The following CNTNAP2 variants were observed in gnomAD, a reference collection of about 807,000 sequenced individuals.
The protein encoded by CNTNAP2 is contactin associated protein 2.
A neutral mutation model predicts 155.2 loss-of-function variants in CNTNAP2; 98 were observed. The observed-to-expected ratio is 0.63, with a 90% CI of 0.54 to 0.75. CNTNAP2 has a LOEUF of 0.75. Among genes scored for constraint, CNTNAP2 ranks in the 30% least tolerant of loss-of-function variants. CNTNAP2 has a pLI of 0.00. For synonymous variants in CNTNAP2, 651 were observed against 631.2 expected (o/e 1.03, Z -0.47); for missense variants, 1,727 against 1,688.1 (o/e 1.02, Z -0.40).
chr7:147,133,507 C>T (rs561051759), intron 8 of CNTNAP2, among the ~76,000 whole-genome samples: 1 of 152,064 alleles, frequency 6.6e-6, no homozygotes, highest in Admixed American at 6.6e-5. Context: ...TTCTAACACA[C>T]TATGATTTTT....
intron 13 of CNTNAP2, among the ~76,000 whole-genome samples, chr7:147,802,312 G>T (rs1444000735): frequency 2.0e-5 from 3 of 148,374 alleles, no homozygotes; most frequent in South Asian, 2.1e-4. Flanking sequence ...AGGCAGAGGG[G>T]CTCCTCACAT....
chr7:148,241,220 C>CA (rs560567814), intron 20 of CNTNAP2, among the ~76,000 whole-genome samples: 24 of 151,298 alleles, frequency 1.6e-4, no homozygotes, highest in African/African-American at 4.4e-4. Flanking sequence ...AATGGAAATA[C>CA]AAAAAAAAAT....
chr7:147,906,751 C>T (rs537625469), intron 14 of CNTNAP2, among the ~76,000 whole-genome samples: 2 of 152,256 alleles, frequency 1.3e-5, no homozygotes, highest in African/African-American at 2.4e-5. Context: ...TGAGCCACGG[C>T]GCCCAGTCAC....
chr7:147,414,941 CAAAAAAAAAAAA>C (rs67048724), intron 10 of CNTNAP2, among the ~76,000 whole-genome samples: 5 of 50,980 alleles, frequency 9.8e-5, no homozygotes, highest in Admixed American at 5.6e-4. Flanking sequence ...GACTCCTTCT[CAAAAAAAAAAAA>C]AAAAAAAAAA....
chr7:147,036,490 A>T lies in CNTNAP2; in HGVS notation c.403-7417A>T, dbSNP rs1025409378. Among the ~76,000 whole-genome samples, 3 of 152,298 alleles carry T rather than the reference A, an allele frequency of 2.0e-5. No homozygotes were observed. The East Asian group carries it at 5.8e-4, about 29-fold the overall frequency. On this transcript the variant is annotated intron_variant, in intron 3 of 23. Transcript: ENST00000361727. ...AGTAGAACCATAGGTTTAACATTTT[A>T]TTATATTGATTTTAACTTTCCTTAA...
chr7:148,166,485 A>C (rs556697980), intron 17 of CNTNAP2, among the ~76,000 whole-genome samples: 2 of 124,246 alleles, frequency 1.6e-5, no homozygotes, highest in East Asian at 5.8e-4. Context: ...ATTTGAGGAC[A>C]GTGTTTTTTT....
At chr7:147,311,801 CT>C (rs1226650724) in intron 9 of CNTNAP2, among the ~76,000 whole-genome samples, 4 of 152,006 alleles carry the variant, frequency 2.6e-5, no homozygotes, top group African/African-American at 9.7e-5. Flanking sequence ...AGCATACTTA[CT>C]TTTTTGAACT....
chr7:147,797,478 G>A (rs921847885), intron 13 of CNTNAP2, among the ~76,000 whole-genome samples: 1 of 152,040 alleles, frequency 6.6e-6, no homozygotes, highest in Non-Finnish European at 1.5e-5. Context: ...GGGTTTTTAA[G>A]CTGTTTGATA....
chr7:146,767,858 A>G (rs1802224433), intron 1 of CNTNAP2, among the ~76,000 whole-genome samples: 1 of 152,152 alleles, frequency 6.6e-6, no homozygotes, highest in Non-Finnish European at 1.5e-5. Context: ...TGTGGGTAAG[A>G]CAGGATTAAA....
intron 10 of CNTNAP2, among the ~76,000 whole-genome samples, chr7:147,449,590 G>A (rs1797797655): frequency 6.6e-6 from 1 of 152,118 alleles, no homozygotes; most frequent in South Asian, 2.1e-4. Flanking sequence ...ATTTCTCAGA[G>A]GAAGTCTCAG....
intron 3 of CNTNAP2, among the ~76,000 whole-genome samples, chr7:146,934,360 A>C (rs1466997034): frequency 1.3e-5 from 2 of 149,464 alleles, no homozygotes; most frequent in Admixed American, 1.4e-4. Flanking sequence ...CAAACACCGC[A>C]TATTCTCACT....
intron 8 of CNTNAP2, chr7:147,167,453 G>A (rs1248528165): frequency 4.0e-6 from 5 of 1,260,472 alleles, no homozygotes; most frequent in Admixed American, 3.8e-5. Context: ...CTAACTTGGA[G>A]TTTGTTGCCA....
chr7:147,768,288 G>C (rs1180123933), intron 13 of CNTNAP2, among the ~76,000 whole-genome samples: 3 of 152,102 alleles, frequency 2.0e-5, no homozygotes, highest in Admixed American at 2.0e-4. Flanking sequence ...AAGCTGAGTG[G>C]GAAGGCAAAG....
chr7:146,232,704 C>T (rs1799406209), intron 1 of CNTNAP2, among the ~76,000 whole-genome samples: 1 of 152,108 alleles, frequency 6.6e-6, no homozygotes, highest in African/African-American at 2.4e-5. Context: ...CTTATTCATT[C>T]ATTCATTCAA....
chr7:148,200,470 C>G (rs1795351306), intron 18 of CNTNAP2, among the ~76,000 whole-genome samples: 1 of 151,556 alleles, frequency 6.6e-6, no homozygotes, highest in Non-Finnish European at 1.5e-5. Context: ...TCATGGCTCA[C>G]TGGAGCTTCG....
At position 147,981,264 on chromosome 7, in the gene CNTNAP2, T is replaced by G. The variant is rs138541558; in HGVS notation, c.2383+3275T>G. Among the ~76,000 whole-genome samples the G allele has an allele frequency of 2.1e-3, 314 of 152,352 alleles. 1 individual carries two copies. Among genetic ancestry groups the G allele is most frequent in the African/African-American group, 6.9e-3 (286 of 41,580 alleles). ...AACTGTACTCTCATCCCTGAGCCAA[T>G]TGTTGATTAAATTAAAATGCCTTAA... On this transcript the variant is annotated intron_variant, in intron 15 of 23. Transcript: ENST00000361727.
In CNTNAP2 at chr7:148,137,669, AAAGGAAGGAAGGAAGGAAGGAAGGAAGG is replaced by A. The variant is rs35867113; in HGVS notation, c.2555-9781_2555-9754del. On this transcript the variant is annotated intron_variant, in intron 16 of 23. Coordinates refer to ENST00000361727, the MANE Select transcript of CNTNAP2 (RefSeq NM_014141.6). Reference sequence around the variant, plus strand: ...AGAGCAAAAGTCTATCTCAGAAAAAAAAGGAAGGAAGGAAGGAAGGAAGGAAGGAAGGAAGGAAGGAAGGAAGGAAGGA... The same window carrying A: ...AGAGCAAAAGTCTATCTCAGAAAAAAAAGGAAGGAAGGAAGGAAGGAAGGA... Among the ~76,000 whole-genome samples, 78 of 107,736 alleles carry A rather than the reference AAAGGAAGGAAGGAAGGAAGGAAGGAAGG, an allele frequency of 7.2e-4. 1 individual carries two copies. The highest frequency in any genetic ancestry group is 7.9e-4 in the Non-Finnish European group (42 of 53,284). The allele number at this position is 107,736 out of a possible 152,430, so 70.7% of individuals were successfully genotyped here. A position where few individuals can be genotyped will look rare whatever the true frequency, so the allele number is the denominator to read the frequency against.
chr7:146,631,214 A>G (rs913438147), intron 1 of CNTNAP2, among the ~76,000 whole-genome samples: 7 of 152,194 alleles, frequency 4.6e-5, no homozygotes, highest in Non-Finnish European at 1.0e-4. Flanking sequence ...AAACAGAAAT[A>G]TAGACCAATG....
intron 18 of CNTNAP2, among the ~76,000 whole-genome samples, chr7:148,175,079 A>C (rs1794908984): frequency 6.6e-6 from 1 of 152,196 alleles, no homozygotes; most frequent in Non-Finnish European, 1.5e-5. Flanking sequence ...CCTGCAAAAG[A>C]CATGAACTCA....
Sources: gnomAD v4.1 joint callset for allele counts (sites outside exome capture counted in the v4.1 genomes callset) on GRCh38, gnomAD v4.1.1 for gene constraint, MANE v1.5 for transcripts, NCBI Gene and HGNC (gene_info 2026-07-23, HGNC 2026-07-21) for gene names.